Variants in CYSLTR1 observed in about 807,000 individuals in gnomAD.
CYSLTR1 encodes the protein G-protein coupled receptor HG55.
A neutral mutation model predicts 2.1 loss-of-function variants in CYSLTR1; 1 was observed. The ratio of observed to expected loss-of-function variants is 0.48; its 90% CI spans 0.17 to 2.28. The LOEUF is 2.28. Ranked by LOEUF, CYSLTR1 falls within the 30% of genes most tolerant of loss-of-function variation. The pLI, the probability that CYSLTR1 is intolerant of heterozygous loss-of-function variation, is 0.26. For synonymous variants in CYSLTR1, 110 were observed against 89.6 expected (o/e 1.23, Z -1.28); for missense variants, 299 against 250.1 (o/e 1.20, Z -1.32).
chrX:78,273,046 ATT>A lies in CYSLTR1; in HGVS notation c.699_700del (p.Met234AspfsTer29). 8.3e-7 allele frequency: 1 copy of A among 1,211,740 alleles called. No homozygotes were observed. Among genetic ancestry groups the A allele is most frequent in the Non-Finnish European group, 1.1e-6 (1 of 895,356 alleles). On this transcript the variant is annotated frameshift_variant, in exon 3 of 3. Coordinates refer to ENST00000373304, the MANE Select transcript of CYSLTR1 (RefSeq NM_006639.4). LOFTEE classifies it high-confidence loss of function. ...AAAGGCAGCGGTCACGACCATGATC[ATT>A]CCTATAGCCTTTTTATGACTTGACA...
intron 1 of CYSLTR1, among the ~76,000 whole-genome samples, chrX:78,317,486 C>A (rs971880681): frequency 8.9e-6 from 1 of 112,023 alleles, no homozygotes; most frequent in African/African-American, 3.2e-5. Flanking sequence ...TGGGTTTCTA[C>A]CCAAAGGAAA....
At chrX:78,293,116 T>C (rs1183646185) in intron 1 of CYSLTR1, among the ~76,000 whole-genome samples, 1 of 111,363 alleles carries the variant, frequency 9.0e-6, no homozygotes, top group Non-Finnish European at 1.9e-5. Flanking sequence ...TGGCTGGTAC[T>C]GGTTGTTCCT....
chrX:78,286,266 A>C (rs1409726122), intron 1 of CYSLTR1, among the ~76,000 whole-genome samples: 5 of 111,056 alleles, frequency 4.5e-5, no homozygotes, highest in Non-Finnish European at 9.4e-5. Context: ...GCAGCACAGC[A>C]AGACCACTCT....
rs199638285 is a variant in CYSLTR1 at position 78,273,018 on chromosome X, T to A, written c.729A>T (p.Leu243Phe). The A allele has an allele frequency of 5.9e-5, 71 of 1,209,916 alleles. No homozygotes were observed. Among genetic ancestry groups the A allele is most frequent in the Middle Eastern group, 2.3e-4 (1 of 4,370 alleles). The part of the protein sequence containing the change: ...GMIMVVTAAF[L>F]VSFMPYHIQR... ...GAATATGATATGGCATGAAACTGACTAAAAAGGCAGCGGTCACGACCATGA... is the reference window on the plus strand; with the variant it reads ...GAATATGATATGGCATGAAACTGACAAAAAAGGCAGCGGTCACGACCATGA... The change falls in exon 3 of 3, where the codon TTA (leucine) becomes TTT (phenylalanine). Residue 243 changes from leucine (L) to phenylalanine (F), a missense_variant. By Grantham distance (22) the Leu-to-Phe change is conservative (BLOSUM62 0). Coordinates refer to ENST00000373304, the MANE Select transcript of CYSLTR1 (RefSeq NM_006639.4).
intron 1 of CYSLTR1, among the ~76,000 whole-genome samples, chrX:78,286,747 CTT>C (rs1922091479): frequency 9.5e-6 from 1 of 105,407 alleles, no homozygotes; most frequent in African/African-American, 3.5e-5. Context: ...GGTGTTTAAA[CTT>C]TTAAAAAAAC....
At chrX:78,312,912 G>A (rs1229451412) in intron 1 of CYSLTR1, among the ~76,000 whole-genome samples, 2 of 111,943 alleles carry the variant, frequency 1.8e-5, no homozygotes, top group Non-Finnish European at 3.8e-5. Context: ...TTGGAGATTT[G>A]TTGAAAAACT....
intron 2 of CYSLTR1, among the ~76,000 whole-genome samples, chrX:78,274,697 A>C (rs1921493854): frequency 9.1e-6 from 1 of 110,189 alleles, no homozygotes; most frequent in Admixed American, 9.7e-5. Context: ...AAACACCAAA[A>C]GCAATGACAA....
intron 1 of CYSLTR1, among the ~76,000 whole-genome samples, chrX:78,299,013 C>T (rs1026161611): frequency 4.5e-5 from 5 of 110,616 alleles, no homozygotes; most frequent in Non-Finnish European, 9.5e-5. Flanking sequence ...TTGTTTCTTG[C>T]TTATTATTTT....
intron 1 of CYSLTR1, among the ~76,000 whole-genome samples, chrX:78,292,263 A>AAAAC (rs1343255211): frequency 8.9e-6 from 1 of 111,924 alleles, no homozygotes; most frequent in Non-Finnish European, 1.9e-5. Flanking sequence ...TTCAGTTTCC[A>AAAAC]TGTAGTTGAG....
chrX:78,308,171 AT>A (rs1287470440), intron 1 of CYSLTR1, among the ~76,000 whole-genome samples: 2 of 111,786 alleles, frequency 1.8e-5, no homozygotes, highest in African/African-American at 6.5e-5. Context: ...GAAAACAGTA[AT>A]GTAGTTACAT....
rs990573449 is a variant in CYSLTR1, at chrX:78,273,856, A to G, written c.-27-83T>C. 4.8e-5 allele frequency: 41 copies of G among 854,687 alleles called. No individual in the cohort carries two copies. In the African/African-American group the frequency reaches 8.1e-4, roughly 17 times the overall value. 70.4% of individuals were successfully genotyped at this position (854,687 alleles called of 1,213,427 possible). A position where few individuals can be genotyped will look rare whatever the true frequency, so the allele number is the denominator to read the frequency against. On this transcript the variant is annotated intron_variant, in intron 2 of 2. Transcript: ENST00000373304. ...TAATGTTTTATTTCATAGTGTCACT[A>G]TGTATACTTTTTGACCACAGCAGCA... is the stretch of plus-strand genomic sequence containing the variant.
At chrX:78,304,510 G>A (rs779508303) in intron 1 of CYSLTR1, among the ~76,000 whole-genome samples, 2 of 111,280 alleles carry the variant, frequency 1.8e-5, no homozygotes, top group African/African-American at 6.5e-5. Flanking sequence ...TTAACAAAGA[G>A]TCCACCAAGA....
chrX:78,309,771 C>G (rs998147325), intron 1 of CYSLTR1, among the ~76,000 whole-genome samples: 8 of 111,720 alleles, frequency 7.2e-5, no homozygotes, highest in African/African-American at 2.6e-4. Context: ...TGGAGAACAT[C>G]TAATACACTC....
At chrX:78,326,681 A>G (rs1223824110) in intron 1 of CYSLTR1, among the ~76,000 whole-genome samples, 1 of 112,185 alleles carries the variant, frequency 8.9e-6, no homozygotes, top group Non-Finnish European at 1.9e-5. Context: ...TCTTCTATTC[A>G]TTTATAGTTG....
At chrX:78,295,486 T>C (rs1406723097) in intron 1 of CYSLTR1, among the ~76,000 whole-genome samples, 3 of 110,131 alleles carry the variant, frequency 2.7e-5, no homozygotes, top group Non-Finnish European at 5.7e-5. Context: ...TCCATAGTGG[T>C]TGTACTAATT....
At position 78,327,415 on chromosome X, in the gene CYSLTR1, G is replaced by A. The variant is rs1165815880; in HGVS notation, c.-225C>T. 3 of 111,570 alleles carry A rather than the reference G, an allele frequency of 2.7e-5. No homozygotes were observed. In the East Asian group the frequency reaches 8.5e-4, roughly 31 times the overall value. 9.2% of individuals were successfully genotyped at this position (111,570 alleles called of 1,213,427 possible). ...CAGTCCTTGCAATTAATCCTTGTTGGCGAGCTGCACAGTATCTTGATACCC... is the reference window on the plus strand; with the variant it reads ...CAGTCCTTGCAATTAATCCTTGTTGACGAGCTGCACAGTATCTTGATACCC... On this transcript the variant is annotated 5_prime_UTR_variant, in exon 1 of 3. Transcript: ENST00000373304.
intron 1 of CYSLTR1, among the ~76,000 whole-genome samples, chrX:78,290,681 A>G (rs192352155): frequency 4.8e-4 from 53 of 111,566 alleles, no homozygotes; most frequent in Non-Finnish European, 4.1e-4. Context: ...CATCCCTTGT[A>G]AGTTGGATTC....
intron 1 of CYSLTR1, among the ~76,000 whole-genome samples, chrX:78,317,905 A>C (rs374996729): frequency 1.8e-5 from 2 of 111,734 alleles, no homozygotes; most frequent in Non-Finnish European, 3.8e-5. Flanking sequence ...GGAGCACTGA[A>C]ATGTCAGAAA....
At chrX:78,318,433 G>A (rs1043319392) in intron 1 of CYSLTR1, among the ~76,000 whole-genome samples, 1 of 111,265 alleles carries the variant, frequency 9.0e-6, no homozygotes, top group Non-Finnish European at 1.9e-5. Context: ...ATAACTAAGG[G>A]ATATTAGGTT....
Sources: allele counts gnomAD v4.1 joint callset (sites outside exome capture counted in the v4.1 genomes callset), GRCh38; gene constraint gnomAD v4.1.1; transcripts MANE v1.5; gene names NCBI Gene and HGNC (gene_info 2026-07-23, HGNC 2026-07-21).